Variants in IQSEC1 observed in about 807,000 individuals in gnomAD.
IQSEC1 encodes IQ motif and SEC7 domain-containing protein 1.
IQSEC1 carries 31 observed loss-of-function variants against 91.0 expected under a neutral mutation model. The observed-to-expected ratio is 0.34, with a 90% CI of 0.26 to 0.46. The LOEUF (loss-of-function observed/expected upper bound fraction) is 0.46, where lower values mean the gene tolerates loss of function less well. Among genes scored for constraint, IQSEC1 ranks in the 20% least tolerant of loss-of-function variants. The pLI, the probability that IQSEC1 is intolerant of heterozygous loss-of-function variation, is 1.00. For synonymous variants in IQSEC1, 699 were observed against 662.6 expected (o/e 1.05, Z -0.84); for missense variants, 1,388 against 1,575.6 (o/e 0.88, Z 2.02).
At chr3:13,174,930 G>A (rs1268186067) in intron 1 of IQSEC1, among the ~76,000 whole-genome samples, 1 of 151,358 alleles carries the variant, frequency 6.6e-6, no homozygotes, top group Non-Finnish European at 1.5e-5. Flanking sequence ...TCCTGCCGCA[G>A]GGCCCTGGCT....
rs1553680571 is a variant in IQSEC1, at chr3:13,026,864, GTTTTT to G, written c.23+46123_23+46127del. On this transcript the variant is annotated intron_variant, in intron 1 of 13. Coordinates refer to ENST00000613206, the MANE Select transcript of IQSEC1 (RefSeq NM_001134382.3). ...TGAAGTAGCAGTTATTATCTCCCCAGTTTTTTTTTTTTTTGTTTGTTTTTTTTTTT... is the reference window on the plus strand; with the variant it reads ...TGAAGTAGCAGTTATTATCTCCCCAGTTTTTTTTTGTTTGTTTTTTTTTTT... Among the ~76,000 whole-genome samples the G allele has an allele frequency of 7.0e-4, 64 of 90,866 alleles. 2 individuals are homozygous for G. Among genetic ancestry groups the G allele is most frequent in the African/African-American group, 2.0e-3 (59 of 29,816 alleles). The allele number at this position is 90,866 out of a possible 152,430, so 59.6% of individuals were successfully genotyped here.
In IQSEC1 at chr3:13,073,149, G is replaced by T; in HGVS notation, c.-135C>A. On this transcript the variant is annotated 5_prime_UTR_variant, in exon 1 of 14. Coordinates refer to ENST00000613206, the MANE Select transcript of IQSEC1 (RefSeq NM_001134382.3). ...AAATCGCGGGGCGAGTCACATTCCC[G>T]GGGGTGGCGGGCTCCTCCAGGGAGG... 1 of 1,058,128 alleles carries T rather than the reference G, an allele frequency of 9.5e-7. No individual in the cohort carries two copies. The highest frequency in any genetic ancestry group is 1.4e-6 in the Non-Finnish European group (1 of 716,534). 65.5% of individuals were successfully genotyped at this position (1,058,128 alleles called of 1,614,324 possible).
chr3:13,067,751 G>A (rs1453882565), intron 1 of IQSEC1, among the ~76,000 whole-genome samples: 1 of 152,252 alleles, frequency 6.6e-6, no homozygotes, highest in Non-Finnish European at 1.5e-5. Flanking sequence ...CTGTGACCCT[G>A]AGCAAGGCAC....
intron 1 of IQSEC1, among the ~76,000 whole-genome samples, chr3:13,174,095 G>A (rs376346220): frequency 2.6e-5 from 4 of 152,128 alleles, no homozygotes; most frequent in African/African-American, 4.8e-5. Flanking sequence ...GTTCCTACCC[G>A]CTTCCCCACA....
intron 1 of IQSEC1, among the ~76,000 whole-genome samples, chr3:13,013,034 C>T (rs1392110951): frequency 6.9e-5 from 10 of 145,506 alleles, no homozygotes; most frequent in Non-Finnish European, 1.0e-4. Context: ...GACCTAGGCT[C>T]ACTGCAACCT....
intron 2 of IQSEC1, among the ~76,000 whole-genome samples, chr3:12,937,599 T>C (rs546432296): frequency 1.3e-5 from 2 of 152,234 alleles, no homozygotes; most frequent in East Asian, 1.9e-4. Context: ...ACTGAGCCCA[T>C]GCAGTTCCTC....
intron 1 of IQSEC1, among the ~76,000 whole-genome samples, chr3:13,191,043 G>C (rs1288375834): frequency 6.6e-6 from 1 of 152,176 alleles, no homozygotes; most frequent in African/African-American, 2.4e-5. Context: ...CGTCCTGTGG[G>C]CAGGACATAC....
At position 12,909,254 on chromosome 3, in the gene IQSEC1, C is replaced by A; in HGVS notation, c.2578+19G>T. The A allele has an allele frequency of 6.2e-7, 1 of 1,612,308 alleles. No individual in the cohort carries two copies. Among genetic ancestry groups the A allele is most frequent in the Non-Finnish European group, 8.5e-7 (1 of 1,178,676 alleles). On this transcript the variant is annotated intron_variant, in intron 11 of 13. Coordinates refer to ENST00000613206, the MANE Select transcript of IQSEC1 (RefSeq NM_001134382.3). This position sits in a 1 kb window ranked among gnomAD's most constrained non-coding sequence, Gnocchi z 4.9. ...GTCTGGCAAGTCTCGGCCTTCTGTC[C>A]ATGAGGCCTGGTACTCACACTCTAT...
At chr3:13,151,196 G>A (rs1484099581) in intron 2 of IQSEC1, among the ~76,000 whole-genome samples, 1 of 152,230 alleles carries the variant, frequency 6.6e-6, no homozygotes, top group Non-Finnish European at 1.5e-5. Flanking sequence ...CTATGTCTCA[G>A]CAGCCACATG....
intron 1 of IQSEC1, among the ~76,000 whole-genome samples, chr3:13,064,187 A>G (rs1386234832): frequency 7.2e-5 from 11 of 152,168 alleles, no homozygotes; most frequent in Admixed American, 5.9e-4. Flanking sequence ...ACGCCTGCAT[A>G]GAACTAAACA....
chr3:12,951,570 T>C (rs527809916), intron 1 of IQSEC1, among the ~76,000 whole-genome samples: 2 of 152,232 alleles, frequency 1.3e-5, no homozygotes, highest in East Asian at 3.9e-4. Flanking sequence ...ACTTCTCTAG[T>C]CTTGAGCGGA....
intron 1 of IQSEC1, among the ~76,000 whole-genome samples, chr3:13,002,912 G>C (rs1350356157): frequency 6.6e-6 from 1 of 152,156 alleles, no homozygotes; most frequent in African/African-American, 2.4e-5. Context: ...TTGGAAAACA[G>C]TTTGGCCATT....
chr3:13,130,685 C>T (rs917480069), intron 2 of IQSEC1, among the ~76,000 whole-genome samples: 4 of 151,818 alleles, frequency 2.6e-5, no homozygotes, highest in African/African-American at 7.3e-5. Flanking sequence ...GCCTGTAATC[C>T]CAACACTTTG....
rs539533288 is a variant in IQSEC1, at chr3:13,138,085, C to T, written c.302+26019G>A. 2.6e-5 allele frequency among the ~76,000 whole-genome samples: 4 copies of T among 152,230 alleles called. No individual in the cohort carries two copies. The South Asian group carries it at 8.3e-4, about 32-fold the overall frequency. On this transcript the variant is annotated intron_variant, in intron 2 of 15. Transcript: ENST00000648114. The stretch of plus-strand genomic sequence containing the variant: ...GGCACTCCTCCCTCTGAGCCTGTTT[C>T]TCCATATGCAAAATGAGAGGGGATC...
intron 2 of IQSEC1, among the ~76,000 whole-genome samples, chr3:13,148,063 T>C (rs1706926943): frequency 6.6e-6 from 1 of 152,230 alleles, no homozygotes; most frequent in African/African-American, 2.4e-5. Context: ...ACACAGGTTG[T>C]ACTAACTTAC....
intron 2 of IQSEC1, among the ~76,000 whole-genome samples, chr3:13,150,638 T>A (rs1184007651): frequency 1.3e-5 from 2 of 152,042 alleles, no homozygotes; most frequent in Non-Finnish European, 2.9e-5. Context: ...GCTCCTGATG[T>A]TTTTAGTGGG....
intron 1 of IQSEC1, among the ~76,000 whole-genome samples, chr3:13,265,296 C>T (rs1695468729): frequency 7.6e-6 from 1 of 132,368 alleles, no homozygotes; most frequent in African/African-American, 2.8e-5. Flanking sequence ...TCGGCAGAGC[C>T]TCTGCCTGTG....
intron 1 of IQSEC1, among the ~76,000 whole-genome samples, chr3:13,278,012 A>G (rs1465830305): frequency 6.6e-6 from 1 of 152,118 alleles, no homozygotes; most frequent in East Asian, 1.9e-4. Flanking sequence ...CTGCCCCCTC[A>G]TCAGTGGCCA....
At chr3:12,921,603 C>T (rs577179012) in intron 5 of IQSEC1, among the ~76,000 whole-genome samples, 3 of 152,344 alleles carry the variant, frequency 2.0e-5, no homozygotes, top group Non-Finnish European at 4.4e-5. Context: ...TATTCAATTT[C>T]ACAGGTGAAG....
Sources: gnomAD v4.1 joint callset for allele counts (sites outside exome capture counted in the v4.1 genomes callset) on GRCh38, gnomAD v4.1.1 for gene constraint, Gnocchi (gnomAD v3.1) non-coding constraint, MANE v1.5 for transcripts, NCBI Gene and HGNC (gene_info 2026-07-23, HGNC 2026-07-21) for gene names.